The following PTGES3L variants were observed in gnomAD, a reference collection of about 807,000 sequenced individuals.
The protein encoded by PTGES3L is prostaglandin E synthase 3 like, also known as putative protein PTGES3L.
Under a neutral mutation model 25.0 loss-of-function variants are expected in PTGES3L, and 17 were observed. The observed-to-expected ratio is 0.68, with a 90% CI of 0.47 to 1.02. The LOEUF (loss-of-function observed/expected upper bound fraction) is 1.02. PTGES3L is among the 50% of genes least tolerant of loss of function. The pLI, the probability that PTGES3L is intolerant of heterozygous loss-of-function variation, is 0.00. For synonymous variants in PTGES3L, 59 were observed against 65.7 expected (o/e 0.90, Z 0.50); for missense variants, 202 against 197.5 (o/e 1.02, Z -0.14).
chr17:42,970,676 G>GCGCACACACACA (rs1490786473), intron 5 of PTGES3L, among the ~76,000 whole-genome samples: 2 of 144,092 alleles, frequency 1.4e-5, no homozygotes, highest in African/African-American at 5.3e-5. Flanking sequence ...CTTAACACGC[G>GCGCACACACACA]CACACACACA....
chr17:42,975,155 AAG>A (rs1491396301), intron 4 of PTGES3L, among the ~76,000 whole-genome samples: 1 of 151,342 alleles, frequency 6.6e-6, no homozygotes, highest in Non-Finnish European at 1.5e-5. Flanking sequence ...AAAAAAAAAA[AAG>A]GTCAACACAC....
At chr17:42,978,078 A>AAAAAAC (rs2049993439) in intron 4 of PTGES3L, among the ~76,000 whole-genome samples, 1 of 10,024 alleles carries the variant, frequency 1.0e-4, no homozygotes, top group Non-Finnish European at 4.4e-4. Flanking sequence ...ACTCCGAATC[A>AAAAAAC]AAAAAAAAAA....
intron 1 of PTGES3L, 97 bp downstream of exon 1, chr17:42,979,949 C>T (rs1239818228): frequency 3.3e-5 from 48 of 1,463,028 alleles, no homozygotes; most frequent in Non-Finnish European, 4.0e-5. Flanking sequence ...CCGGGGCTCC[C>T]GTGGGGCCTC....
chr17:42,978,077 C>CAAAAAAAAA lies in PTGES3L; in HGVS notation c.288+1084_288+1092dup, dbSNP rs368420097. 6.3e-3 allele frequency among the ~76,000 whole-genome samples: 290 copies of CAAAAAAAAA among 45,816 alleles called. 2 individuals carry two copies. The highest frequency in any genetic ancestry group is 0.036 in the Middle Eastern group (1 of 28). The allele number at this position is 45,816 out of a possible 152,430, so 30.1% of individuals were successfully genotyped here. ...GGGCAACAAGAGCGAAACTCCGAAT[C>CAAAAAAAAA]AAAAAAAAAAAAAAAAAAAAAAACA... is the stretch of plus-strand genomic sequence containing the variant. On this transcript the variant is annotated intron_variant, in intron 4 of 6. Coordinates refer to ENST00000591916, the MANE Select transcript of PTGES3L (RefSeq NM_001261430.2).
chr17:42,969,699 C>G (rs2049798384), intron 6 of PTGES3L, among the ~76,000 whole-genome samples: 1 of 151,838 alleles, frequency 6.6e-6, no homozygotes, highest in South Asian at 2.1e-4. Context: ...ACCACACCCA[C>G]CCTAGTTTCA....
Position 42,970,674 on chromosome 17 carries a change from G to GCACACACACACACACACACA in PTGES3L, c.379-333_379-332insTGTGTGTGTGTGTGTGTGTG, listed in dbSNP as rs1482998381. On this transcript the variant is annotated intron_variant, in intron 5 of 6. Transcript: ENST00000591916. ...CCCATGAAGTTGTCTGGCTTAACACGCGCACACACACACACACACACACAC... is the reference window on the plus strand; with the variant it reads ...CCCATGAAGTTGTCTGGCTTAACACGCACACACACACACACACACACGCACACACACACACACACACACAC... Among the ~76,000 whole-genome samples, 331 of 105,674 alleles carry GCACACACACACACACACACA rather than the reference G, an allele frequency of 3.1e-3. 11 individuals are homozygous for GCACACACACACACACACACA. The highest frequency in any genetic ancestry group is 0.01 in the African/African-American group (321 of 30,616). The allele number at this position is 105,674 out of a possible 152,430, so 69.3% of individuals were successfully genotyped here.
chr17:42,976,353 A>T (rs35773026), intron 4 of PTGES3L, among the ~76,000 whole-genome samples: 89,534 of 152,056 alleles, frequency 0.59, 29,099 homozygotes, highest in East Asian at 0.84. Flanking sequence ...ACTAATAAAA[A>T]TTTTTTAATG....
rs188786657 is a variant in PTGES3L, at chr17:42,979,333, C to A, written c.189+45G>T. The A allele has an allele frequency of 3.3e-5, 54 of 1,614,122 alleles. No individual in the cohort carries two copies. The African/African-American group carries it at 6.9e-4, about 21-fold the overall frequency. ...AGAATTAATCTCCAGTTTCCCTGGG[C>A]AGCCCGGTTTCCATCCAAACCTTAC... On this transcript the variant is annotated intron_variant, in intron 3 of 6. Coordinates refer to ENST00000591916, the MANE Select transcript of PTGES3L (RefSeq NM_001261430.2).
chr17:42,979,840 C>T, intron 1 of PTGES3L, 177 bp from the exon 2 acceptor site: 1 of 1,440,102 alleles, frequency 6.9e-7, no homozygotes, highest in Non-Finnish European at 9.2e-7. Context: ...TGAATGTGAA[C>T]CTGGGAAGAA....
At chr17:42,973,870 G>C (rs1431484029) in intron 4 of PTGES3L, among the ~76,000 whole-genome samples, 2 of 141,756 alleles carry the variant, frequency 1.4e-5, no homozygotes, top group Admixed American at 1.4e-4. Flanking sequence ...AGGCCGCAGG[G>C]TCCTCTGCCT....
chr17:42,969,188 TGGGG>T lies in PTGES3L; in HGVS notation c.433-6_433-3del, dbSNP rs747833167. The T allele has an allele frequency of 3.0e-5, 30 of 1,012,024 alleles. No individual in the cohort carries two copies. The highest frequency in any genetic ancestry group is 3.9e-5 in the Non-Finnish European group (29 of 737,442). 62.7% of individuals were successfully genotyped at this position (1,012,024 alleles called of 1,614,324 possible). ...ATCATCAGCACTGTCAGAATCATCC[TGGGG>T]GCGGGGGGGAAAAAAGACAAAGCAC... On this transcript the variant is annotated splice_polypyrimidine_tract_variant and splice_region_variant and intron_variant, in intron 6 of 6. Coordinates refer to ENST00000591916, the MANE Select transcript of PTGES3L (RefSeq NM_001261430.2).
intron 4 of PTGES3L, among the ~76,000 whole-genome samples, chr17:42,972,830 A>G (rs1389546356): frequency 1.7e-3 from 239 of 144,048 alleles, no homozygotes; most frequent in Middle Eastern, 4.1e-3. Flanking sequence ...CCAGTCTGGA[A>G]AGTGAGGAGC....
chr17:42,971,580 C>T (rs770161596), intron 5 of PTGES3L, 27 bp downstream of exon 5: 1 of 1,611,896 alleles, frequency 6.2e-7, no homozygotes, highest in South Asian at 1.1e-5. Context: ...ATCAAGTGGG[C>T]AGAACACAGT....
intron 4 of PTGES3L, 107 bp from the exon 5 acceptor site, chr17:42,971,803 T>C: frequency 3.9e-6 from 4 of 1,030,282 alleles, no homozygotes; most frequent in Non-Finnish European, 5.8e-6. Context: ...AGAGGGTCAG[T>C]AGGTCCCTAG....
intron 4 of PTGES3L, 108 bp from the exon 5 acceptor site, chr17:42,971,804 A>T (rs2049841935): frequency 1.9e-6 from 2 of 1,035,626 alleles, no homozygotes; most frequent in Non-Finnish European, 2.9e-6. Flanking sequence ...GAGGGTCAGT[A>T]GGTCCCTAGT....
chr17:42,979,786 G>T, intron 1 of PTGES3L, 123 bp from the exon 2 acceptor site: 1 of 1,446,776 alleles, frequency 6.9e-7, no homozygotes, highest in South Asian at 1.3e-5. Context: ...AAATGAGACA[G>T]AAGGGGTGAA....
intron 5 of PTGES3L, among the ~76,000 whole-genome samples, chr17:42,970,696 A>G (rs2049820145): frequency 6.6e-6 from 1 of 151,050 alleles, no homozygotes; most frequent in Non-Finnish European, 1.5e-5. Flanking sequence ...ACACACACAC[A>G]CACACACACA....
At chr17:42,973,314 A>G (rs1229101468) in intron 4 of PTGES3L, among the ~76,000 whole-genome samples, 16 of 127,326 alleles carry the variant, frequency 1.3e-4, no homozygotes, top group African/African-American at 4.4e-4. Context: ...GGCGGCCCCT[A>G]CTGGGAAGTG....
At chr17:42,970,414 T>C (rs998397449) in intron 5 of PTGES3L, 72 bp from the exon 6 acceptor site, 6 of 1,579,350 alleles carry the variant, frequency 3.8e-6, no homozygotes, top group African/African-American at 2.7e-5. Flanking sequence ...TGATGGTCCA[T>C]AGAAGAATGG....
Sources: gnomAD v4.1 joint callset for allele counts (sites outside exome capture counted in the v4.1 genomes callset) on GRCh38, gnomAD v4.1.1 for gene constraint, MANE v1.5 for transcripts, NCBI Gene and HGNC (gene_info 2026-07-23, HGNC 2026-07-21) for gene names.